Variants in CNTNAP3B observed in about 807,000 individuals in gnomAD.
CNTNAP3B encodes contactin associated protein family member 3B.
Under a neutral mutation model 108.9 loss-of-function variants are expected in CNTNAP3B, and 25 were observed. That is an observed-to-expected ratio of 0.23 (90% CI 0.17 to 0.32). The LOEUF is 0.32. CNTNAP3B is among the 10% of genes least tolerant of loss of function. The pLI is 1.00. For missense variants in CNTNAP3B, 252 were observed against 1,210.4 expected, an observed-to-expected ratio of 0.21 and a Z score of 11.75; for synonymous variants, 103 against 473.4, an observed-to-expected ratio of 0.22 and a Z score of 10.16.
At chr9:41,960,034 T>G (rs559638154) in intron 12 of CNTNAP3B, 3 of 153,104 alleles carry the variant, frequency 2.0e-5, no homozygotes, top group Non-Finnish European at 4.4e-5. Flanking sequence ...AGTCTTGCTC[T>G]GTCGCCAGGC....
rs1209677991 is a variant in CNTNAP3B at position 41,988,238 on chromosome 9, A to ATTTTT, written c.1334-1932_1334-1928dup. Among the ~76,000 whole-genome samples the ATTTTT allele has an allele frequency of 1.9e-4, 5 of 25,886 alleles. 1 individual carries two copies. Among genetic ancestry groups the ATTTTT allele is most frequent in the Non-Finnish European group, 3.0e-4 (4 of 13,122 alleles). The allele number at this position is 25,886 out of a possible 152,430, so 17.0% of individuals were successfully genotyped here. A position where few individuals can be genotyped will look rare whatever the true frequency, so the allele number is the denominator to read the frequency against. ...TTTCTGTGCCTTTTACCTTCTTTGA[A>ATTTTT]TTTTTTTTTTTTTTTTTTTTTTTTT... On this transcript the variant is annotated intron_variant, in intron 8 of 23. Transcript: ENST00000377561.
chr9:41,927,720 A>C (rs1823859743), intron 15 of CNTNAP3B, among the ~76,000 whole-genome samples: 1 of 152,270 alleles, frequency 6.6e-6, no homozygotes, highest in Non-Finnish European at 1.5e-5. Context: ...ATGATTTTTA[A>C]GGAAAAAAAA....
chr9:42,117,772 A>C lies in CNTNAP3B; in HGVS notation c.85+11238T>G, dbSNP rs570235208. ...TTGGAAAGATCAACAAAATTGATAG[A>C]CCACTAGCAAGACTAATAAAGAAGA... On this transcript the variant is annotated intron_variant, in intron 1 of 23. Transcript: ENST00000377561. Among the ~76,000 whole-genome samples the C allele has an allele frequency of 1.3e-4, 18 of 137,978 alleles. 2 individuals are homozygous for C. In the South Asian group the frequency reaches 3.3e-3, roughly 25 times the overall value. The allele number at this position is 137,978 out of a possible 152,430, so 90.5% of individuals were successfully genotyped here. A position where few individuals can be genotyped will look rare whatever the true frequency, so the allele number is the denominator to read the frequency against.
Position 42,119,990 on chromosome 9 carries a change from T to A in CNTNAP3B, c.85+9020A>T, listed in dbSNP as rs1294218246. On this transcript the variant is annotated intron_variant, in intron 1 of 23. Coordinates refer to ENST00000377561, the MANE Select transcript of CNTNAP3B (RefSeq NM_001201380.3). ...ATTGACAAATGGGATCTAATTAAACTAAAGAGCTTCTACAGAGCAAAAGAA... is the reference window on the plus strand; with the variant it reads ...ATTGACAAATGGGATCTAATTAAACAAAAGAGCTTCTACAGAGCAAAAGAA... 1.4e-5 allele frequency among the ~76,000 whole-genome samples: 2 copies of A among 144,384 alleles called. 1 individual carries two copies. Among genetic ancestry groups the A allele is most frequent in the African/African-American group, 5.4e-5 (2 of 37,264 alleles). The allele number at this position is 144,384 out of a possible 152,430, so 94.7% of individuals were successfully genotyped here.
At chr9:42,121,180 G>T (rs1253333235) in intron 1 of CNTNAP3B, among the ~76,000 whole-genome samples, 3 of 138,022 alleles carry the variant, frequency 2.2e-5, no homozygotes, top group Admixed American at 2.2e-4. Context: ...CAGAGGCACA[G>T]CTGTGAAACA....
At chr9:41,939,516 G>T (rs1299194949) in intron 13 of CNTNAP3B, among the ~76,000 whole-genome samples, 1 of 152,252 alleles carries the variant, frequency 6.6e-6, no homozygotes, top group East Asian at 1.9e-4. Context: ...AAAAAACAAC[G>T]AAAAAAAGGC....
chr9:41,942,505 G>A (rs1295725744), intron 13 of CNTNAP3B, among the ~76,000 whole-genome samples: 3 of 151,400 alleles, frequency 2.0e-5, no homozygotes, highest in Non-Finnish European at 2.9e-5. Flanking sequence ...CAGCTACTGG[G>A]GAGGCTGAGG....
intron 3 of CNTNAP3B, among the ~76,000 whole-genome samples, chr9:42,075,870 T>TTATTATTAC (rs1827477468): frequency 1.7e-5 from 2 of 116,148 alleles, no homozygotes; most frequent in Non-Finnish European, 3.6e-5. Flanking sequence ...ATTATTATTA[T>TTATTATTAC]TATTGAGACA....
intron 7 of CNTNAP3B, among the ~76,000 whole-genome samples, chr9:41,995,728 C>T (rs1346561626): frequency 1.5e-5 from 1 of 68,294 alleles, no homozygotes; most frequent in Admixed American, 1.6e-4. Flanking sequence ...GAGACTCCGT[C>T]TCAAAAAAAA....
At chr9:42,040,458 C>A (rs1388932503) in intron 3 of CNTNAP3B, among the ~76,000 whole-genome samples, 2 of 117,428 alleles carry the variant, frequency 1.7e-5, no homozygotes, top group African/African-American at 3.5e-5. Context: ...AAACAGAGAG[C>A]CAAATCATGA....
chr9:42,055,495 T>C (rs1827049785), intron 3 of CNTNAP3B, among the ~76,000 whole-genome samples: 1 of 144,066 alleles, frequency 6.9e-6, no homozygotes, highest in Non-Finnish European at 1.5e-5. Context: ...TTTACCATTA[T>C]ATTCATAAAA....
intron 1 of CNTNAP3B, among the ~76,000 whole-genome samples, chr9:42,120,011 A>G (rs910921288): frequency 3.4e-5 from 5 of 148,078 alleles, no homozygotes; most frequent in Non-Finnish European, 6.0e-5. Context: ...TACAGAGCAA[A>G]AGAAACTACC....
rs1451710374 is a variant in CNTNAP3B at position 41,981,982 on chromosome 9, C to T, written c.1477+4186G>A. On this transcript the variant is annotated intron_variant, in intron 9 of 23. Transcript: ENST00000377561. Reference sequence around the variant, plus strand: ...TAATCAGGAGGCTGAGGCGGGGGAACCTCTTAAGCCTGGGAGGTTGAGGCT... The same window carrying T: ...TAATCAGGAGGCTGAGGCGGGGGAATCTCTTAAGCCTGGGAGGTTGAGGCT... Among the ~76,000 whole-genome samples the T allele has an allele frequency of 2.0e-4, 16 of 81,552 alleles. No individual in the cohort carries two copies. In the South Asian group the frequency reaches 8.0e-3, roughly 41 times the overall value. The allele number at this position is 81,552 out of a possible 152,430, so 53.5% of individuals were successfully genotyped here.
chr9:41,966,579 G>A (rs531013976), intron 10 of CNTNAP3B, among the ~76,000 whole-genome samples: 2,684 of 150,464 alleles, frequency 0.018, 4 homozygotes, highest in Non-Finnish European at 0.024. Context: ...CAGTTGGAAC[G>A]CAGCACAGGA....
intron 10 of CNTNAP3B, among the ~76,000 whole-genome samples, chr9:41,968,800 A>ACT (rs1825356376): frequency 8.7e-6 from 1 of 114,716 alleles, no homozygotes; most frequent in South Asian, 2.6e-4. Context: ...TGCAGATATA[A>ACT]CTTTTTTTTT....
rs553411559 is a variant in CNTNAP3B, at chr9:42,125,678, T to TTG, written c.85+3331_85+3332insCA. 1.5e-4 allele frequency among the ~76,000 whole-genome samples: 20 copies of TTG among 132,750 alleles called. 4 individuals are homozygous for TTG. Among genetic ancestry groups the TTG allele is most frequent in the African/African-American group, 6.0e-4 (20 of 33,166 alleles). 87.1% of individuals were successfully genotyped at this position (132,750 alleles called of 152,430 possible). ...ACTACATTTTTTGTTTTTTTTTTTTTGTTTTTTTTTGAGACAGAGTCTCAC... is the reference window on the plus strand; with the variant it reads ...ACTACATTTTTTGTTTTTTTTTTTTTTGGTTTTTTTTTGAGACAGAGTCTCAC... On this transcript the variant is annotated intron_variant, in intron 1 of 23. Transcript: ENST00000377561.
chr9:42,043,019 T>C (rs1442795688), intron 3 of CNTNAP3B, among the ~76,000 whole-genome samples: 1 of 150,142 alleles, frequency 6.7e-6, no homozygotes, highest in East Asian at 1.9e-4. Context: ...TCATAGCTTA[T>C]GTTTTTGAGC....
intron 15 of CNTNAP3B, among the ~76,000 whole-genome samples, chr9:41,928,019 T>G (rs1400321262): frequency 2.0e-5 from 3 of 151,508 alleles, no homozygotes; most frequent in Admixed American, 1.3e-4. Context: ...AATATTTCGG[T>G]CAAAATAAGC....
At chr9:42,001,408 C>T (rs1826002928) in intron 4 of CNTNAP3B, among the ~76,000 whole-genome samples, 1 of 133,596 alleles carries the variant, frequency 7.5e-6, no homozygotes, top group East Asian at 2.3e-4. Context: ...AGCAAGACCC[C>T]ATTTCAAGAA....
Sources: allele counts gnomAD v4.1 joint callset (sites outside exome capture counted in the v4.1 genomes callset), GRCh38; gene constraint gnomAD v4.1.1; transcripts MANE v1.5; gene names NCBI Gene and HGNC (gene_info 2026-07-23, HGNC 2026-07-21).